SPATA16: variants seen among roughly 807,000 people sequenced by gnomAD.
SPATA16 encodes the protein spermatogenesis associated 16.
In SPATA16, 36 loss-of-function variants were observed where a neutral mutation model predicts 63.3. The ratio of observed to expected loss-of-function variants is 0.57; its 90% CI spans 0.44 to 0.75. The LOEUF (loss-of-function observed/expected upper bound fraction) is 0.75, where lower values mean the gene tolerates loss of function less well. Among genes scored for constraint, SPATA16 ranks in the 30% least tolerant of loss-of-function variants. SPATA16 has a pLI of 0.00. For synonymous variants in SPATA16, 203 were observed against 216.7 expected, an observed-to-expected ratio of 0.94 and a Z score of 0.56; for missense variants, 646 against 679.3, an observed-to-expected ratio of 0.95 and a Z score of 0.54.
rs1737916559 is a variant in SPATA16, at chr3:173,117,059, A to G, written c.612+61T>C. The G allele has an allele frequency of 2.6e-6, 4 of 1,517,638 alleles. No individual in the cohort carries two copies. In the East Asian group the frequency reaches 9.0e-5, roughly 34 times the overall value. The allele number at this position is 1,517,638 out of a possible 1,614,324, so 94.0% of individuals were successfully genotyped here. A position where few individuals can be genotyped will look rare whatever the true frequency, so the allele number is the denominator to read the frequency against. On this transcript the variant is annotated intron_variant, in intron 2 of 10. Transcript: ENST00000351008. ...CAGTATGGCCAGAACCCCTCAATGTAATTGCAACTTTCCATTTCATAGTTT... is the reference window on the plus strand; with the variant it reads ...CAGTATGGCCAGAACCCCTCAATGTGATTGCAACTTTCCATTTCATAGTTT...
At chr3:173,100,660 G>GCACACACACACA (rs3980195) in intron 2 of SPATA16, among the ~76,000 whole-genome samples, 1 of 134,074 alleles carries the variant, frequency 7.5e-6, no homozygotes, top group Admixed American at 7.5e-5. Context: ...CACATAAACA[G>GCACACACACACA]CACACACACA....
chr3:172,924,433 T>A lies in SPATA16; in HGVS notation c.1229-116A>T, dbSNP rs373757935. 2.0e-4 allele frequency: 158 copies of A among 785,388 alleles called. 1 individual carries two copies. In the African/African-American group the frequency reaches 2.4e-3, roughly 12 times the overall value. The allele number at this position is 785,388 out of a possible 1,614,324, so 48.7% of individuals were successfully genotyped here. Reference sequence around the variant, plus strand: ...ATATTAATAGATACAAAATCTTTAGTATAGAAACTAGTCCCATCCCTAGAC... The same window carrying A: ...ATATTAATAGATACAAAATCTTTAGAATAGAAACTAGTCCCATCCCTAGAC... On this transcript the variant is annotated intron_variant, in intron 7 of 10. Transcript: ENST00000351008.
intron 2 of SPATA16, among the ~76,000 whole-genome samples, chr3:173,052,132 T>C (rs1240484089): frequency 6.6e-6 from 1 of 152,136 alleles, no homozygotes; most frequent in African/African-American, 2.4e-5. Flanking sequence ...TATGGGATAA[T>C]GTGGAAGTCA....
chr3:173,034,846 G>A (rs1316944268), intron 3 of SPATA16, among the ~76,000 whole-genome samples: 1 of 152,072 alleles, frequency 6.6e-6, no homozygotes, highest in East Asian at 1.9e-4. Context: ...TTCCCATTAA[G>A]GAAATCTACT....
At chr3:172,956,632 T>A in intron 6 of SPATA16, 45 bp downstream of exon 6, 1 of 1,596,084 alleles carries the variant, frequency 6.3e-7, no homozygotes, top group Non-Finnish European at 8.5e-7. Context: ...TTTGTTTTAT[T>A]TGAAACAAAA....
chr3:172,910,397 A>G lies in SPATA16; in HGVS notation c.1587+3264T>C, dbSNP rs573319947. Among the ~76,000 whole-genome samples, 20 of 152,048 alleles carry G rather than the reference A, an allele frequency of 1.3e-4. No homozygotes were observed. In the East Asian group the frequency reaches 3.9e-3, roughly 29 times the overall value. On this transcript the variant is annotated intron_variant, in intron 10 of 10. Transcript: ENST00000351008. ...GTGAGCCACTGCGCCCGGCCAGCAA[A>G]TGTTTTCTGATGGTGCTAGATAGTA...
At chr3:173,046,306 A>G (rs1460859889) in intron 3 of SPATA16, among the ~76,000 whole-genome samples, 3 of 152,038 alleles carry the variant, frequency 2.0e-5, no homozygotes, top group Non-Finnish European at 4.4e-5. Context: ...GTTATGAATA[A>G]AAAAGAAGAG....
chr3:172,905,248 G>A (rs957438858), intron 10 of SPATA16, among the ~76,000 whole-genome samples: 1 of 152,080 alleles, frequency 6.6e-6, no homozygotes, highest in Non-Finnish European at 1.5e-5. Flanking sequence ...ACTCCTTAAA[G>A]AACAAGACAC....
At chr3:173,043,499 A>G (rs1384605059) in intron 3 of SPATA16, among the ~76,000 whole-genome samples, 1 of 151,864 alleles carries the variant, frequency 6.6e-6, no homozygotes, top group African/African-American at 2.4e-5. Context: ...ATTATTTTTA[A>G]TTTAGTTAAT....
At chr3:172,976,630 G>C (rs1479460063) in intron 5 of SPATA16, among the ~76,000 whole-genome samples, 1 of 151,856 alleles carries the variant, frequency 6.6e-6, no homozygotes, top group Non-Finnish European at 1.5e-5. Flanking sequence ...GTTTTTACAG[G>C]CTGTAGATCA....
At chr3:172,949,465 A>T (rs1162286514) in intron 6 of SPATA16, among the ~76,000 whole-genome samples, 2 of 152,186 alleles carry the variant, frequency 1.3e-5, no homozygotes, top group Non-Finnish European at 2.9e-5. Flanking sequence ...TGACTTCAAA[A>T]TTTTTTTAAA....
chr3:172,894,955 G>T, intron 10 of SPATA16, among the ~76,000 whole-genome samples: 1 of 152,082 alleles, frequency 6.6e-6, no homozygotes, highest in East Asian at 1.9e-4. Flanking sequence ...ATGGCATTTT[G>T]TTATAACAGC....
intron 4 of SPATA16, among the ~76,000 whole-genome samples, chr3:172,978,657 C>G (rs1336149551): frequency 6.6e-6 from 1 of 152,178 alleles, no homozygotes; most frequent in Non-Finnish European, 1.5e-5. Flanking sequence ...TATGGTTCAA[C>G]AAACATTGCT....
At chr3:172,933,480 C>T (rs1258848675) in intron 6 of SPATA16, among the ~76,000 whole-genome samples, 7 of 152,108 alleles carry the variant, frequency 4.6e-5, no homozygotes, top group African/African-American at 1.7e-4. Flanking sequence ...ACTCTTATTC[C>T]TTGGTAATAA....
intron 2 of SPATA16, among the ~76,000 whole-genome samples, chr3:173,057,542 T>C (rs543111988): frequency 2.0e-5 from 3 of 152,320 alleles, no homozygotes; most frequent in East Asian, 3.9e-4. Flanking sequence ...GGCTGTATCA[T>C]TCACTTTATT....
At chr3:172,921,878 G>T (rs552994120) in intron 8 of SPATA16, among the ~76,000 whole-genome samples, 63 of 152,326 alleles carry the variant, frequency 4.1e-4, no homozygotes, top group Middle Eastern at 6.8e-3. Context: ...TACTTGGCCA[G>T]AGCATGGCCT....
chr3:173,045,078 T>A (rs746724925), intron 3 of SPATA16, among the ~76,000 whole-genome samples: 3 of 152,136 alleles, frequency 2.0e-5, no homozygotes, highest in Non-Finnish European at 4.4e-5. Flanking sequence ...CTGTATGGAA[T>A]CTCTTTCCTC....
At chr3:173,118,729 CA>C (rs1309994460) in intron 1 of SPATA16, among the ~76,000 whole-genome samples, 1 of 152,162 alleles carries the variant, frequency 6.6e-6, no homozygotes, top group Non-Finnish European at 1.5e-5. Context: ...TGGTCATTAG[CA>C]AAACCTACCC....
intron 8 of SPATA16, among the ~76,000 whole-genome samples, chr3:172,919,473 C>T (rs1161604410): frequency 1.3e-5 from 2 of 152,092 alleles, no homozygotes; most frequent in Non-Finnish European, 2.9e-5. Context: ...GACTAATCTA[C>T]AAAGATAAGG....
Sources: allele counts gnomAD v4.1 joint callset (sites outside exome capture counted in the v4.1 genomes callset), GRCh38; gene constraint gnomAD v4.1.1; transcripts MANE v1.5; gene names NCBI Gene and HGNC (gene_info 2026-07-23, HGNC 2026-07-21).